Variants in SLMAP observed in about 807,000 individuals in gnomAD.
The protein encoded by SLMAP is sarcolemma associated protein, also known as sarcolemmal membrane-associated protein.
SLMAP carries 44 observed loss-of-function variants against 128.8 expected under a neutral mutation model. The ratio of observed to expected loss-of-function variants is 0.34; its 90% CI spans 0.27 to 0.44. The LOEUF is 0.44. Among genes scored for constraint, SLMAP ranks in the 20% least tolerant of loss-of-function variants. The pLI is 1.00. For missense variants in SLMAP, 787 were observed against 985.3 expected, an observed-to-expected ratio of 0.80 and a Z score of 2.69; for synonymous variants, 327 against 348.8, an observed-to-expected ratio of 0.94 and a Z score of 0.70.
chr3:57,845,788 A>G (rs2094210495), intron 4 of SLMAP, among the ~76,000 whole-genome samples: 1 of 152,092 alleles, frequency 6.6e-6, no homozygotes. Flanking sequence ...ATTCATATGA[A>G]TACATTTAAT....
intron 2 of SLMAP, among the ~76,000 whole-genome samples, chr3:57,760,328 G>A (rs1003573738): frequency 6.6e-6 from 1 of 152,100 alleles, no homozygotes; most frequent in Admixed American, 6.6e-5. Context: ...TGCTTTATTA[G>A]CTAAAATAAC....
At chr3:57,860,665 A>C in intron 8 of SLMAP, 34 bp from the exon 9 acceptor site, 1 of 1,444,128 alleles carries the variant, frequency 6.9e-7, no homozygotes, top group Non-Finnish European at 9.3e-7. Context: ...TTAAAAAATA[A>C]CTTGTCTATA....
At chr3:57,780,746 C>T (rs376239788) in intron 2 of SLMAP, among the ~76,000 whole-genome samples, 1 of 151,810 alleles carries the variant, frequency 6.6e-6, no homozygotes, top group African/African-American at 2.4e-5. Context: ...TGGGCTCAAG[C>T]GATCTTCCCA....
chr3:57,895,382 C>T (rs1191614521), intron 15 of SLMAP, among the ~76,000 whole-genome samples: 1 of 152,024 alleles, frequency 6.6e-6, no homozygotes, highest in Non-Finnish European at 1.5e-5. Flanking sequence ...GTCACCCAGG[C>T]TGGAGTGCAG....
At chr3:57,840,249 C>T (rs1041906851) in intron 3 of SLMAP, among the ~76,000 whole-genome samples, 115 of 152,330 alleles carry the variant, frequency 7.5e-4, no homozygotes, top group Admixed American at 7.1e-3. Context: ...CCACCATGCC[C>T]GGCCAACATT....
chr3:57,887,315 C>T (rs762581800), intron 14 of SLMAP, among the ~76,000 whole-genome samples: 3 of 151,536 alleles, frequency 2.0e-5, no homozygotes, highest in Non-Finnish European at 4.4e-5. Context: ...CCTCAATCTC[C>T]GCTTCCTGGG....
At chr3:57,856,437 T>A (rs2094794749) in intron 6 of SLMAP, among the ~76,000 whole-genome samples, 1 of 152,188 alleles carries the variant, frequency 6.6e-6, no homozygotes, top group African/African-American at 2.4e-5. Context: ...TTAAACTTGC[T>A]TTTACTTTTT....
At position 57,828,080 on chromosome 3, in the gene SLMAP, G is replaced by A. The variant is rs1025993643; in HGVS notation, c.199-3303G>A. On this transcript the variant is annotated intron_variant, in intron 2 of 24. Transcript: ENST00000671191. ...TCTCCTGTCTCAGCCCCTCACTGCC[G>A]CCGAGTAGCTGGGATAACAGGCGTG... Among the ~76,000 whole-genome samples the A allele has an allele frequency of 5.3e-5, 8 of 152,090 alleles. No individual in the cohort carries two copies. In the East Asian group the frequency reaches 5.8e-4, roughly 11 times the overall value.
chr3:57,880,918 G>T (rs747984744), intron 14 of SLMAP, among the ~76,000 whole-genome samples: 4 of 152,042 alleles, frequency 2.6e-5, no homozygotes, highest in Non-Finnish European at 5.9e-5. Flanking sequence ...AGGGCTGGGC[G>T]CAGTGGCTCA....
intron 14 of SLMAP, among the ~76,000 whole-genome samples, chr3:57,889,150 C>G (rs929840275): frequency 2.0e-5 from 3 of 152,208 alleles, no homozygotes; most frequent in Non-Finnish European, 4.4e-5. Flanking sequence ...TCCCAAAGTG[C>G]TGGGATTACA....
intron 2 of SLMAP, among the ~76,000 whole-genome samples, chr3:57,828,008 G>T (rs2093044423): frequency 6.6e-6 from 1 of 152,192 alleles, no homozygotes; most frequent in African/African-American, 2.4e-5. Context: ...GTGTGCAGTG[G>T]CACGATCTTA....
rs866885989 is a variant in SLMAP, at chr3:57,851,352, G to T, written c.519+1536G>T. Among the ~76,000 whole-genome samples, 918 of 133,204 alleles carry T rather than the reference G, an allele frequency of 6.9e-3. 6 individuals are homozygous for T. Among genetic ancestry groups the T allele is most frequent in the African/African-American group, 0.021 (778 of 36,906 alleles). 87.4% of individuals were successfully genotyped at this position (133,204 alleles called of 152,430 possible). A position where few individuals can be genotyped will look rare whatever the true frequency, so the allele number is the denominator to read the frequency against. ...AAAAAGCAAACAAGTGTTTTGGGTT[G>T]TTTTTTTTTTTTTTTCTGGTTTTTG... On this transcript the variant is annotated intron_variant, in intron 6 of 24. Transcript: ENST00000671191.
rs564722636 is a variant in SLMAP, at chr3:57,928,901, A to C, written c.*1612A>C. ...TGACTTGTAGAAAATACTGTCATAT[A>C]GTTCATTTCATCATTTTCTGTTGCA... On this transcript the variant is annotated 3_prime_UTR_variant, in exon 25 of 25. Transcript: ENST00000671191. 1 of 152,746 alleles carries C rather than the reference A, an allele frequency of 6.5e-6. No homozygotes were observed. The highest frequency in any genetic ancestry group is 1.9e-4 in the East Asian group (1 of 5,194). 9.5% of individuals were successfully genotyped at this position (152,746 alleles called of 1,614,324 possible). A position where few individuals can be genotyped will look rare whatever the true frequency, so the allele number is the denominator to read the frequency against.
chr3:57,850,177 A>G (rs1445771040), intron 6 of SLMAP, among the ~76,000 whole-genome samples: 4 of 152,186 alleles, frequency 2.6e-5, no homozygotes, highest in Admixed American at 6.5e-5. Context: ...CCCTGTCTGA[A>G]GAAAAGAAGG....
At chr3:57,897,017 G>A in intron 17 of SLMAP, 85 bp downstream of exon 17, 1 of 1,575,436 alleles carries the variant, frequency 6.3e-7, no homozygotes, top group Non-Finnish European at 8.6e-7. Context: ...ATTATGTGAA[G>A]TTTTAATTTT....
intron 14 of SLMAP, among the ~76,000 whole-genome samples, chr3:57,878,049 G>A (rs1310791082): frequency 6.6e-6 from 1 of 151,476 alleles, no homozygotes; most frequent in Non-Finnish European, 1.5e-5. Context: ...CACCATGTTG[G>A]CCAGGCTGGT....
chr3:57,789,425 A>G (rs1467196948), intron 2 of SLMAP, among the ~76,000 whole-genome samples: 1 of 152,106 alleles, frequency 6.6e-6, no homozygotes, highest in Admixed American at 6.6e-5. Flanking sequence ...AAATCGACCT[A>G]ACAGGATTCT....
intron 2 of SLMAP, among the ~76,000 whole-genome samples, chr3:57,804,352 A>G (rs887149575): frequency 2.0e-5 from 3 of 152,228 alleles, no homozygotes; most frequent in Admixed American, 6.5e-5. Context: ...ACTTGAAGTC[A>G]TAGGTGAGAA....
At chr3:57,805,138 T>G (rs965558133) in intron 2 of SLMAP, among the ~76,000 whole-genome samples, 3 of 152,200 alleles carry the variant, frequency 2.0e-5, no homozygotes, top group African/African-American at 7.2e-5. Flanking sequence ...CTGATTTTCC[T>G]TTTACCTTTT....
Sources: allele counts gnomAD v4.1 joint callset (sites outside exome capture counted in the v4.1 genomes callset), GRCh38; gene constraint gnomAD v4.1.1; transcripts MANE v1.5; gene names NCBI Gene and HGNC (gene_info 2026-07-23, HGNC 2026-07-21).